The following EGR2 variants were observed in gnomAD, a reference collection of about 807,000 sequenced individuals.
The protein encoded by EGR2 is early growth response 2.
A neutral mutation model predicts 21.2 loss-of-function variants in EGR2; 2 were observed. That is an observed-to-expected ratio of 0.09 (90% CI 0.04 to 0.30). EGR2 has a LOEUF of 0.30. EGR2 is among the 10% of genes least tolerant of loss of function. EGR2 has a pLI of 1.00. For synonymous variants in EGR2, 282 were observed against 258.2 expected, an observed-to-expected ratio of 1.09 and a Z score of -0.88; for missense variants, 458 against 630.2, an observed-to-expected ratio of 0.73 and a Z score of 2.93.
Position 62,816,172 on chromosome 10 carries a change from A to G in EGR2, c.-143T>C, listed in dbSNP as rs1842263892. ...AAAAACAACCACCACACACACCAAG[A>G]AAAAAAAATCAACAGAAATAAAAGT... On this transcript the variant is annotated 5_prime_UTR_variant, in exon 1 of 2. Transcript: ENST00000242480. 10 of 1,536,404 alleles carry G rather than the reference A, an allele frequency of 6.5e-6. No individual in the cohort carries two copies. Among genetic ancestry groups the G allele is most frequent in the Non-Finnish European group, 8.7e-6 (10 of 1,144,474 alleles).
At chr10:62,817,976 C>T (rs926144726), upstream of EGR2, among the ~76,000 whole-genome samples, 3 of 152,220 alleles carry the variant, frequency 2.0e-5, no homozygotes, top group Admixed American at 1.3e-4. This position sits in a 1 kb window ranked among gnomAD's most constrained non-coding sequence, Gnocchi z 4.4. Flanking sequence ...GCGAACTGCC[C>T]CAGAGCCCTT....
upstream of EGR2, chr10:62,818,611 G>C (rs1277481868): frequency 2.4e-6 from 3 of 1,276,020 alleles, no homozygotes; most frequent in Non-Finnish European, 3.1e-6. Flanking sequence ...TGGGCAAGAC[G>C]ACGCCTCGGA....
rs1589083307 is a variant in EGR2 at position 62,816,242 on chromosome 10, T to C, written c.-213A>G. On this transcript the variant is annotated 5_prime_UTR_variant, in exon 1 of 2. Transcript: ENST00000242480. The stretch of plus-strand genomic sequence containing the variant: ...TTTAAGAAATAAGAAAAATGTCTAT[T>C]TGCCACTGACTCTCTCCTGTCTGTG... 2 of 1,430,126 alleles carry C rather than the reference T, an allele frequency of 1.4e-6. No individual in the cohort carries two copies. The highest frequency in any genetic ancestry group is 2.7e-5 in the East Asian group (1 of 37,706). The allele number at this position is 1,430,126 out of a possible 1,614,324, so 88.6% of individuals were successfully genotyped here. A position where few individuals can be genotyped will look rare whatever the true frequency, so the allele number is the denominator to read the frequency against.
At chr10:62,817,240 G>C (rs1488442285), upstream of EGR2, among the ~76,000 whole-genome samples, 1 of 152,060 alleles carries the variant, frequency 6.6e-6, no homozygotes, top group East Asian at 1.9e-4. The surrounding 1 kb of genome is among the most constrained non-coding windows in gnomAD (Gnocchi z 4.4). Context: ...CTGGGCGGTC[G>C]GCTGCGTGGG....
rs755853466 is a variant in EGR2, at chr10:62,814,478, G to A, written c.170-10C>T. 6.2e-7 allele frequency: 1 copy of A among 1,613,748 alleles called. No homozygotes were observed. Among genetic ancestry groups the A allele is most frequent in the South Asian group, 1.1e-5 (1 of 91,052 alleles). On this transcript the variant is annotated splice_polypyrimidine_tract_variant and intron_variant, in intron 1 of 1. Transcript: ENST00000242480. The surrounding 1 kb of genome is among the most constrained non-coding windows in gnomAD (Gnocchi z 4.8). ...ATGTTGATCATGCCATCTGGGGAGG[G>A]GAAAGGCAGAATGGAGGTGGAACAA... is the stretch of plus-strand genomic sequence containing the variant.
Position 62,813,105 on chromosome 10 carries a change from GGA to G in EGR2, c.*100_*101del. 7.5e-7 allele frequency: 1 copy of G among 1,324,956 alleles called. No homozygotes were observed. The allele number at this position is 1,324,956 out of a possible 1,614,324, so 82.1% of individuals were successfully genotyped here. On this transcript the variant is annotated 3_prime_UTR_variant, in exon 2 of 2. Transcript: ENST00000242480. The surrounding 1 kb of genome is among the most constrained non-coding windows in gnomAD (Gnocchi z 5.7). ...CACCAAAGCCCTTTGCCCAACAAAG[GGA>G]GAGAGGGACAGGAAAGGGTGGTAGT...
In EGR2 at chr10:62,813,447, G is replaced by C; in HGVS notation, c.1191C>G (p.Pro397=). 6.2e-7 allele frequency: 1 copy of C among 1,614,230 alleles called. No individual in the cohort carries two copies. The highest frequency in any genetic ancestry group is 1.1e-5 in the South Asian group (1 of 91,078). The change falls in exon 2 of 2, where the codon CCC becomes CCG. Residue 397 remains proline (P), a synonymous_variant. Coordinates refer to ENST00000242480, the MANE Select transcript of EGR2 (RefSeq NM_000399.5). This position sits in a 1 kb window ranked among gnomAD's most constrained non-coding sequence, Gnocchi z 5.7. ...TTCGGCCACAGTAGTCACAGGCGAA[G>C]GGCTTCTCACCGGTGTGGGTGCGGA... ...THIRTHTGEK[P]FACDYCGRKF...
chr10:62,813,743 AGCT>A lies in EGR2; in HGVS notation c.892_894del (p.Ser299del). 1 of 1,611,764 alleles carries A rather than the reference AGCT, an allele frequency of 6.2e-7. No homozygotes were observed. The highest frequency in any genetic ancestry group is 8.5e-7 in the Non-Finnish European group (1 of 1,179,432). On this transcript the variant is annotated inframe_deletion, in exon 2 of 2. Coordinates refer to ENST00000242480, the MANE Select transcript of EGR2 (RefSeq NM_000399.5). The surrounding 1 kb of genome is among the most constrained non-coding windows in gnomAD (Gnocchi z 5.7). Reference sequence around the variant, plus strand: ...GCGGCGGCGGCTGCTGCTGCTGCTGAGCTGCTACCAGGCAGCCGGGGTCCCTCG... The same window carrying A: ...GCGGCGGCGGCTGCTGCTGCTGCTGAGCTACCAGGCAGCCGGGGTCCCTCG...
At chr10:62,816,377 T>C, upstream of EGR2, 1 of 1,213,002 alleles carries the variant, frequency 8.2e-7, no homozygotes, top group Non-Finnish European at 1.0e-6. Flanking sequence ...AGACGGAAAG[T>C]GTTGCTCTAA....
At position 62,813,520 on chromosome 10, in the gene EGR2, C is replaced by T. The variant is rs1564706128; in HGVS notation, c.1118G>A (p.Arg373Gln). The T allele has an allele frequency of 6.2e-7, 1 of 1,613,862 alleles. No individual in the cohort carries two copies. Among genetic ancestry groups the T allele is most frequent in the Non-Finnish European group, 8.5e-7 (1 of 1,180,032 alleles). ...IHTGHKPFQC[R>Q]ICMRNFSRSD... is the part of the protein sequence containing the mutation. ...GCGGCTGAAGTTGCGCATGCAGATC[C>T]GACACTGGAAGGGCTTATGCCCAGT... Residue 373 changes from arginine to glutamine, a missense_variant, in exon 2 of 2, where the codon CGG becomes CAG. By Grantham distance (43) the Arg-to-Gln change is conservative. Around this residue, in one of 5 missense-constraint regions of EGR2, gnomAD observed 39 missense variants for 113.7 expected, o/e 0.34. Coordinates refer to ENST00000242480, the MANE Select transcript of EGR2 (RefSeq NM_000399.5). This position sits in a 1 kb window ranked among gnomAD's most constrained non-coding sequence, Gnocchi z 5.7.
At position 62,814,591 on chromosome 10, in the gene EGR2, A is replaced by G; in HGVS notation, c.170-123T>C. The G allele has an allele frequency of 2.1e-6, 2 of 968,960 alleles. No individual in the cohort carries two copies. The highest frequency in any genetic ancestry group is 1.4e-5 in the South Asian group (1 of 73,454). The allele number at this position is 968,960 out of a possible 1,614,324, so 60.0% of individuals were successfully genotyped here. A position where few individuals can be genotyped will look rare whatever the true frequency, so the allele number is the denominator to read the frequency against. Reference sequence around the variant, plus strand: ...AGTCTCAGCACTGTAGAGCTGTGGCAAAGTCCAAAAGGTGGGGAAATTGAG... The same window carrying G: ...AGTCTCAGCACTGTAGAGCTGTGGCGAAGTCCAAAAGGTGGGGAAATTGAG... On this transcript the variant is annotated intron_variant, in intron 1 of 1. Transcript: ENST00000242480. The surrounding 1 kb of genome is among the most constrained non-coding windows in gnomAD (Gnocchi z 4.8).
chr10:62,812,868 C>A lies in EGR2; in HGVS notation c.*339G>T. ...CCAGGGTCAAAAACCTGTGATGGGT[C>A]AAAATAAGGGGAAGTGGGGTAGCAA... On this transcript the variant is annotated 3_prime_UTR_variant, in exon 2 of 2. Coordinates refer to ENST00000242480, the MANE Select transcript of EGR2 (RefSeq NM_000399.5). 1 of 223,516 alleles carries A rather than the reference C, an allele frequency of 4.5e-6. No homozygotes were observed. Among genetic ancestry groups the A allele is most frequent in the Non-Finnish European group, 8.8e-6 (1 of 113,994 alleles). 13.8% of individuals were successfully genotyped at this position (223,516 alleles called of 1,614,324 possible). A position where few individuals can be genotyped will look rare whatever the true frequency, so the allele number is the denominator to read the frequency against.
Position 62,814,368 on chromosome 10 carries a change from G to A in EGR2, c.270C>T (p.Phe90=). Residue 90 remains phenylalanine, a synonymous_variant, in exon 2 of 2, where the codon TTC becomes TTT. Coordinates refer to ENST00000242480, the MANE Select transcript of EGR2 (RefSeq NM_000399.5). This position sits in a 1 kb window ranked among gnomAD's most constrained non-coding sequence, Gnocchi z 4.8. ...APVSAPRNQT[F]TYMGKFSIDP... ...CAATGGAGAACTTGCCCATGTAAGTGAAGGTCTGGTTTCTAGGTGCAGAGA... is the reference window on the plus strand; with the variant it reads ...CAATGGAGAACTTGCCCATGTAAGTAAAGGTCTGGTTTCTAGGTGCAGAGA... The A allele has an allele frequency of 6.2e-7, 1 of 1,614,182 alleles. No individual in the cohort carries two copies. Among genetic ancestry groups the A allele is most frequent in the Non-Finnish European group, 8.5e-7 (1 of 1,180,030 alleles).
upstream of EGR2, among the ~76,000 whole-genome samples, chr10:62,817,300 TACAC>T (rs766650759): frequency 6.6e-6 from 1 of 151,882 alleles, no homozygotes; most frequent in Non-Finnish European, 1.5e-5. This position sits in a 1 kb window ranked among gnomAD's most constrained non-coding sequence, Gnocchi z 4.4. Context: ...CAGACACACA[TACAC>T]ACACACTCAC....
chr10:62,818,548 G>T (rs555990413), upstream of EGR2: 2 of 1,258,934 alleles, frequency 1.6e-6, no homozygotes, highest in East Asian at 6.1e-5. Context: ...TACCACGTGC[G>T]CCAGCCCACT....
chr10:62,814,030 G>A lies in EGR2; in HGVS notation c.608C>T (p.Pro203Leu), dbSNP rs1055082588. ...GGGGGATGGATAGGAAGGAGGTGGT[G>A]GGTAGGCCAGAGAGGAAGAGGTGGA... ...TTSTSSSLAY[P>L]PPPSYPSPKP... Residue 203 changes from proline (P) to leucine (L), a missense_variant, in exon 2 of 2, where the codon CCA becomes CTA. Around this residue, in one of 5 missense-constraint regions of EGR2, gnomAD observed 253 missense variants for 315.5 expected, o/e 0.80. Coordinates refer to ENST00000242480, the MANE Select transcript of EGR2 (RefSeq NM_000399.5). This position sits in a 1 kb window ranked among gnomAD's most constrained non-coding sequence, Gnocchi z 4.8. 5.0e-6 allele frequency: 8 copies of A among 1,614,176 alleles called. No homozygotes were observed. Among genetic ancestry groups the A allele is most frequent in the Non-Finnish European group, 5.9e-6 (7 of 1,180,030 alleles).
chr10:62,812,348 A>C lies in EGR2; in HGVS notation c.*859T>G, dbSNP rs1842129831. 6.5e-6 allele frequency: 1 copy of C among 152,792 alleles called. No homozygotes were observed. Among genetic ancestry groups the C allele is most frequent in the Non-Finnish European group, 1.5e-5 (1 of 68,030 alleles). 9.5% of individuals were successfully genotyped at this position (152,792 alleles called of 1,614,324 possible). On this transcript the variant is annotated 3_prime_UTR_variant, in exon 2 of 2. Coordinates refer to ENST00000242480, the MANE Select transcript of EGR2 (RefSeq NM_000399.5). ...TAACATTGTCTACATCACACAAGGC[A>C]CCAAGGACACTTCCAACACAATTGC...
chr10:62,812,215 T>A lies in EGR2; in HGVS notation c.*992A>T, dbSNP rs1842122701. The A allele has an allele frequency of 6.5e-6, 1 of 152,758 alleles. No homozygotes were observed. 9.5% of individuals were successfully genotyped at this position (152,758 alleles called of 1,614,324 possible). A position where few individuals can be genotyped will look rare whatever the true frequency, so the allele number is the denominator to read the frequency against. On this transcript the variant is annotated 3_prime_UTR_variant, in exon 2 of 2. Transcript: ENST00000242480. ...AAACAAAGCATACAAAAATATACTT[T>A]CTAAAAAAAATTCCAAATATTAATA...
Position 62,813,662 on chromosome 10 carries a change from A to G in EGR2, c.976T>C (p.Tyr326His). Residue 326 changes from tyrosine (Y) to histidine (H), a missense_variant, in exon 2 of 2, where the codon TAC becomes CAC. Tyr to His is a moderately conservative substitution (Grantham distance 83, BLOSUM62 2). Around this residue, in one of 5 missense-constraint regions of EGR2, gnomAD observed 253 missense variants for 315.5 expected, o/e 0.80. Transcript: ENST00000242480. This position sits in a 1 kb window ranked among gnomAD's most constrained non-coding sequence, Gnocchi z 5.7. ...PLRPILRPRK[Y>H]PNRPSKTPVH... is the part of the protein sequence containing the mutation. ...GGCGTCTTGCTGGGTCTGTTGGGGTACTTGCGAGGCCTCAGAATGGGCCGC... is the reference window on the plus strand; with the variant it reads ...GGCGTCTTGCTGGGTCTGTTGGGGTGCTTGCGAGGCCTCAGAATGGGCCGC... 6.2e-7 allele frequency: 1 copy of G among 1,613,358 alleles called. No individual in the cohort carries two copies.
Sources: allele counts gnomAD v4.1 joint callset (sites outside exome capture counted in the v4.1 genomes callset), GRCh38; gene constraint gnomAD v4.1.1; regional missense constraint gnomAD v4.1.1; non-coding constraint Gnocchi (gnomAD v3.1); transcripts MANE v1.5; gene names NCBI Gene and HGNC (gene_info 2026-07-23, HGNC 2026-07-21).